The following COL22A1 variants were observed in gnomAD, a reference collection of about 807,000 sequenced individuals.
COL22A1 encodes the protein collagen type XXII alpha 1 chain.
A neutral mutation model predicts 248.9 loss-of-function variants in COL22A1; 221 were observed. That is an observed-to-expected ratio of 0.89 (90% CI 0.80 to 0.99). The LOEUF (loss-of-function observed/expected upper bound fraction) is 0.99, where lower values mean the gene tolerates loss of function less well. Among genes scored for constraint, COL22A1 ranks in the 50% least tolerant of loss-of-function variants. The pLI, the probability that COL22A1 is intolerant of heterozygous loss-of-function variation, is 0.00. For synonymous variants in COL22A1, 891 were observed against 793.4 expected (o/e 1.12, Z -2.07); for missense variants, 2,240 against 2,179.0 (o/e 1.03, Z -0.56).
chr8:138,908,705 C>T (rs1460352033), intron 1 of COL22A1, among the ~76,000 whole-genome samples: 3 of 152,276 alleles, frequency 2.0e-5, no homozygotes, highest in African/African-American at 7.2e-5. Flanking sequence ...CCGCCTGGCA[C>T]CAATTGGCAC....
At chr8:138,627,803 T>C (rs1820368478) in intron 50 of COL22A1, among the ~76,000 whole-genome samples, 1 of 152,154 alleles carries the variant, frequency 6.6e-6, no homozygotes, top group Admixed American at 6.5e-5. Flanking sequence ...ATGTGCTTGT[T>C]CCTAAGCCTG....
chr8:138,707,100 C>T (rs1828527512), intron 30 of COL22A1, among the ~76,000 whole-genome samples: 1 of 152,160 alleles, frequency 6.6e-6, no homozygotes. Context: ...GAAGCTGAAT[C>T]CCTGAATAGA....
intron 48 of COL22A1, among the ~76,000 whole-genome samples, chr8:138,636,121 A>T (rs1821134915): frequency 6.6e-6 from 1 of 152,162 alleles, no homozygotes; most frequent in Non-Finnish European, 1.5e-5. Flanking sequence ...GCAAAGCAGA[A>T]GGATAACAGT....
At chr8:138,653,599 C>T (rs2130595781) in intron 45 of COL22A1, among the ~76,000 whole-genome samples, 1 of 152,184 alleles carries the variant, frequency 6.6e-6, no homozygotes, top group South Asian at 2.1e-4. Context: ...TTAAGATGAC[C>T]TCCATGGGCA....
chr8:138,730,533 C>T (rs1006638989), intron 23 of COL22A1, among the ~76,000 whole-genome samples: 21 of 152,036 alleles, frequency 1.4e-4, no homozygotes, highest in Admixed American at 1.0e-3. Context: ...GGCTTAGGAT[C>T]GAAGGCAGGG....
intron 58 of COL22A1, among the ~76,000 whole-genome samples, chr8:138,605,245 A>G (rs1266784593): frequency 6.6e-6 from 1 of 152,192 alleles, no homozygotes; most frequent in African/African-American, 2.4e-5. Context: ...AAATGAGAAC[A>G]GTGGTTGTAC....
intron 1 of COL22A1, among the ~76,000 whole-genome samples, chr8:138,902,455 T>C (rs1814653646): frequency 6.6e-6 from 1 of 152,122 alleles, no homozygotes; most frequent in Non-Finnish European, 1.5e-5. Flanking sequence ...GCCAGCACTT[T>C]GGAAGGCCGA....
At chr8:138,638,867 A>G (rs1821424309) in intron 47 of COL22A1, among the ~76,000 whole-genome samples, 1 of 152,156 alleles carries the variant, frequency 6.6e-6, no homozygotes, top group Admixed American at 6.5e-5. Flanking sequence ...GACTAGTTTC[A>G]ACACTCATGT....
intron 11 of COL22A1, among the ~76,000 whole-genome samples, chr8:138,800,643 CT>C (rs1171735205): frequency 6.6e-6 from 1 of 152,172 alleles, no homozygotes; most frequent in Non-Finnish European, 1.5e-5. Flanking sequence ...CTCAATAGAG[CT>C]GCTGATGATA....
At position 138,751,490 on chromosome 8, in the gene COL22A1, T is replaced by C. The variant is rs1015749814; in HGVS notation, c.2053A>G (p.Arg685Gly). ...GARGPIGPEG[R>G]DGPPGLQGLR... ...CCTTGCAAACCAGGAGGTCCATCCC[T>C]GCCTTCTGGGCCTATTGGACCCTTT... The change falls in exon 22 of 65, where the codon AGG becomes GGG. Residue 685 changes from arginine to glycine, a missense_variant. Arg to Gly is a moderately radical substitution (Grantham distance 125). Coordinates refer to ENST00000303045, the MANE Select transcript of COL22A1 (RefSeq NM_152888.3). The C allele has an allele frequency of 2.5e-6, 4 of 1,612,532 alleles. No homozygotes were observed. Among genetic ancestry groups the C allele is most frequent in the Non-Finnish European group, 3.4e-6 (4 of 1,179,232 alleles).
At chr8:138,747,479 G>T (rs376679104) in intron 22 of COL22A1, among the ~76,000 whole-genome samples, 35 of 152,174 alleles carry the variant, frequency 2.3e-4, no homozygotes, top group African/African-American at 8.2e-4. Context: ...CCCCTTGCTG[G>T]GTCCAGCCAC....
At chr8:138,725,504 G>T (rs1563673055) in intron 23 of COL22A1, 64 bp from the exon 24 acceptor site, 2 of 1,374,702 alleles carry the variant, frequency 1.5e-6, no homozygotes, top group African/African-American at 1.5e-5. Context: ...GGGACAGTGG[G>T]CATTTGAAAG....
intron 23 of COL22A1, among the ~76,000 whole-genome samples, chr8:138,726,765 A>G (rs1053055654): frequency 2.6e-5 from 4 of 152,188 alleles, no homozygotes; most frequent in Admixed American, 6.5e-5. Flanking sequence ...ACAGTTCCAC[A>G]TGAAGAGAGT....
At chr8:138,801,747 C>A (rs1053268466) in intron 11 of COL22A1, among the ~76,000 whole-genome samples, 3 of 152,062 alleles carry the variant, frequency 2.0e-5, no homozygotes, top group Non-Finnish European at 4.4e-5. Flanking sequence ...GGCATGGTGG[C>A]ACACACACAG....
Position 138,773,081 on chromosome 8 carries a change from A to G in COL22A1, c.1803+2885T>C, listed in dbSNP as rs559787546. On this transcript the variant is annotated intron_variant, in intron 16 of 64. Coordinates refer to ENST00000303045, the MANE Select transcript of COL22A1 (RefSeq NM_152888.3). ...TTAAAAAACAAACAAAGCAAAACAAACAAAAAACATTCTTTTTGCACTTCA... is the reference window on the plus strand; with the variant it reads ...TTAAAAAACAAACAAAGCAAAACAAGCAAAAAACATTCTTTTTGCACTTCA... 7.7e-4 allele frequency among the ~76,000 whole-genome samples: 117 copies of G among 152,324 alleles called. 1 individual carries two copies. The highest frequency in any genetic ancestry group is 2.8e-3 in the African/African-American group (115 of 41,576).
intron 50 of COL22A1, among the ~76,000 whole-genome samples, chr8:138,628,997 G>C (rs1820490823): frequency 9.3e-6 from 1 of 107,416 alleles, no homozygotes; most frequent in African/African-American, 3.9e-5. Context: ...CTGACCTCAA[G>C]TGTTCCTCCT....
intron 1 of COL22A1, among the ~76,000 whole-genome samples, chr8:138,886,866 A>G (rs1400703337): frequency 6.6e-6 from 1 of 152,130 alleles, no homozygotes; most frequent in East Asian, 1.9e-4. Flanking sequence ...TCCCCTTTCC[A>G]TGCTGGGGAT....
At chr8:138,704,160 A>C (rs1188761799) in intron 30 of COL22A1, among the ~76,000 whole-genome samples, 2 of 152,234 alleles carry the variant, frequency 1.3e-5, no homozygotes, top group Non-Finnish European at 2.9e-5. Context: ...CCACAGCTTA[A>C]GGAGGCCTGC....
rs149119308 is a variant in COL22A1, at chr8:138,635,305, T to A, written c.3556-242A>T. 4.4e-3 allele frequency among the ~76,000 whole-genome samples: 663 copies of A among 151,766 alleles called. 5 individuals are homozygous for A. The highest frequency in any genetic ancestry group is 0.014 in the African/African-American group (591 of 41,372). ...TTCAAAATAATGTGTGGGCAGGGGG[T>A]GTGGAGAAATGGTTGAGGACATAAA... On this transcript the variant is annotated intron_variant, in intron 48 of 64. Coordinates refer to ENST00000303045, the MANE Select transcript of COL22A1 (RefSeq NM_152888.3).
Sources: gnomAD v4.1 joint callset for allele counts (sites outside exome capture counted in the v4.1 genomes callset) on GRCh38, gnomAD v4.1.1 for gene constraint, MANE v1.5 for transcripts, NCBI Gene and HGNC (gene_info 2026-07-23, HGNC 2026-07-21) for gene names.